Variants in PCDHGB1 observed in about 807,000 individuals in gnomAD.
PCDHGB1 encodes the protein protocadherin gamma-B1.
In PCDHGB1, 34 loss-of-function variants were observed where a neutral mutation model predicts 56.6. The observed-to-expected ratio is 0.60, with a 90% CI of 0.46 to 0.80. The LOEUF is 0.80. Ranked by LOEUF, PCDHGB1 falls within the 30% of genes least tolerant of loss-of-function variation. The pLI is 0.00. For missense variants in PCDHGB1, 1,278 were observed against 1,204.6 expected, an observed-to-expected ratio of 1.06 and a Z score of -0.90; for synonymous variants, 561 against 505.9, an observed-to-expected ratio of 1.11 and a Z score of -1.46.
intron 1 of PCDHGB1, among the ~76,000 whole-genome samples, chr5:141,353,036 T>C (rs764117260): frequency 6.6e-6 from 1 of 152,160 alleles, no homozygotes; most frequent in African/African-American, 2.4e-5. Flanking sequence ...CTCATTGGTG[T>C]ATAAGTAATT....
intron 1 of PCDHGB1, among the ~76,000 whole-genome samples, chr5:141,482,811 C>T (rs1397161943): frequency 2.0e-5 from 3 of 152,164 alleles, no homozygotes; most frequent in Non-Finnish European, 4.4e-5. Context: ...GTGGCTCATG[C>T]CTGTAATCCT....
intron 1 of PCDHGB1, among the ~76,000 whole-genome samples, chr5:141,407,290 G>A (rs1025830566): frequency 3.3e-5 from 5 of 152,154 alleles, no homozygotes; most frequent in African/African-American, 1.2e-4. Context: ...TACAATTTCT[G>A]TTCTGAGGAG....
intron 1 of PCDHGB1, chr5:141,478,633 T>C: frequency 6.4e-7 from 1 of 1,553,032 alleles, no homozygotes; most frequent in Non-Finnish European, 8.7e-7. Context: ...GTTTTTTTAG[T>C]GATGAAGATG....
At chr5:141,508,033 C>A (rs1596123382) in intron 3 of PCDHGB1, 1 of 152,290 alleles carries the variant, frequency 6.6e-6, no homozygotes, top group Non-Finnish European at 1.5e-5. Flanking sequence ...GTTTGCAGCT[C>A]AGCCAGCTGT....
Position 141,489,398 on chromosome 5 carries a change from G to A in PCDHGB1, c.2410-5409G>A, listed in dbSNP as rs2099686644. On this transcript the variant is annotated intron_variant, in intron 1 of 3. Transcript: ENST00000523390. This position sits in a 1 kb window ranked among gnomAD's most constrained non-coding sequence, Gnocchi z 4.5. The stretch of plus-strand genomic sequence containing the variant: ...GTGGGGAATGTTGCTCAGGATCTGG[G>A]CTTAAAGATGACAGATCTGTTGAGC... 6.2e-7 allele frequency: 1 copy of A among 1,614,064 alleles called. No homozygotes were observed. The highest frequency in any genetic ancestry group is 1.3e-5 in the African/African-American group (1 of 74,910).
Position 141,477,653 on chromosome 5 carries a change from A to C in PCDHGB1, c.2410-17154A>C. ...GCTAGTGGGTCGCTATTTCACAATA[A>C]ATCGTGACAATGGCATAGTGTCATC... On this transcript the variant is annotated intron_variant, in intron 1 of 3. Transcript: ENST00000523390. The surrounding 1 kb of genome is among the most constrained non-coding windows in gnomAD (Gnocchi z 4.9). The C allele has an allele frequency of 1.2e-6, 2 of 1,614,204 alleles. No individual in the cohort carries two copies. Among genetic ancestry groups the C allele is most frequent in the Non-Finnish European group, 1.7e-6 (2 of 1,180,036 alleles).
intron 1 of PCDHGB1, among the ~76,000 whole-genome samples, chr5:141,447,744 T>G (rs1020767891): frequency 3.4e-4 from 51 of 152,206 alleles, no homozygotes; most frequent in African/African-American, 1.2e-3. Context: ...CTTAAGAGTC[T>G]TGCATGTGAC....
chr5:141,505,645 G>A (rs997169182), intron 3 of PCDHGB1, 164 bp downstream of exon 3: 2 of 964,274 alleles, frequency 2.1e-6, no homozygotes, highest in African/African-American at 1.8e-5. Flanking sequence ...GCCTGGAATT[G>A]TGGCTAAGGA....
intron 1 of PCDHGB1, chr5:141,410,538 T>TG (rs768720792): frequency 8.1e-6 from 13 of 1,613,830 alleles, no homozygotes; most frequent in Non-Finnish European, 1.1e-5. Flanking sequence ...AATGAAGACA[T>TG]GGTTTGCAGT....
chr5:141,447,919 C>G (rs940570932), intron 1 of PCDHGB1, among the ~76,000 whole-genome samples: 2 of 152,012 alleles, frequency 1.3e-5, no homozygotes, highest in East Asian at 1.9e-4. Context: ...AACTCTGTCT[C>G]CACTAAAAAT....
At chr5:141,500,469 AAAG>A (rs1479386829) in intron 2 of PCDHGB1, among the ~76,000 whole-genome samples, 1 of 152,052 alleles carries the variant, frequency 6.6e-6, no homozygotes, top group Non-Finnish European at 1.5e-5. Context: ...TCGGCCTCCC[AAAG>A]TGCTGGGATT....
intron 1 of PCDHGB1, chr5:141,426,967 T>G (rs151241654): frequency 2.2e-6 from 1 of 456,702 alleles, no homozygotes; most frequent in East Asian, 6.9e-5. Context: ...GCAATTCAAA[T>G]TGAGGTCACT....
At chr5:141,382,364 T>C (rs919179170) in intron 1 of PCDHGB1, among the ~76,000 whole-genome samples, 3 of 152,264 alleles carry the variant, frequency 2.0e-5, no homozygotes, top group African/African-American at 7.2e-5. Flanking sequence ...AAATAAAATT[T>C]ACCTTTTTGC....
chr5:141,413,139 C>A, intron 1 of PCDHGB1: 1 of 1,553,028 alleles, frequency 6.4e-7, no homozygotes. Context: ...ACAACGTGTC[C>A]AGTGAGGACT....
intron 1 of PCDHGB1, chr5:141,362,228 T>G: frequency 6.2e-7 from 1 of 1,614,028 alleles, no homozygotes; most frequent in Non-Finnish European, 8.5e-7. Context: ...GCCTTGGCCT[T>G]GATCTCAGTG....
intron 1 of PCDHGB1, among the ~76,000 whole-genome samples, chr5:141,455,998 T>C (rs1301217416): frequency 2.6e-5 from 4 of 151,692 alleles, no homozygotes; most frequent in Non-Finnish European, 4.4e-5. Flanking sequence ...CTCGGGTTCA[T>C]GCCATTCTCC....
intron 1 of PCDHGB1, chr5:141,408,080 C>G: frequency 7.1e-7 from 1 of 1,412,844 alleles, no homozygotes; most frequent in Non-Finnish European, 9.3e-7. Flanking sequence ...TTTCCCAGCA[C>G]AGCGGATTGC....
intron 1 of PCDHGB1, chr5:141,478,198 ACTT>A (rs2099438516): frequency 1.2e-6 from 2 of 1,613,746 alleles, no homozygotes; most frequent in African/African-American, 1.3e-5. Context: ...CCTTTTATCT[ACTT>A]CTTTCTCTAA....
chr5:141,418,244 C>G (rs746986702), intron 1 of PCDHGB1: 1 of 1,613,980 alleles, frequency 6.2e-7, no homozygotes. Flanking sequence ...TGTTAATGAC[C>G]ACGCCCCTCA....
Sources: allele counts gnomAD v4.1 joint callset (sites outside exome capture counted in the v4.1 genomes callset), GRCh38; gene constraint gnomAD v4.1.1; non-coding constraint Gnocchi (gnomAD v3.1); transcripts MANE v1.5; gene names NCBI Gene and HGNC (gene_info 2026-07-23, HGNC 2026-07-21).